HIVEP3: variants seen among roughly 807,000 people sequenced by gnomAD.
HIVEP3 encodes HIVEP zinc finger 3.
HIVEP3 carries 49 observed loss-of-function variants against 152.8 expected under a neutral mutation model. The ratio of observed to expected loss-of-function variants is 0.32; its 90% CI spans 0.26 to 0.41. HIVEP3 has a LOEUF of 0.41. Ranked by LOEUF, HIVEP3 falls within the 10% of genes least tolerant of loss-of-function variation. The pLI is 1.00. For missense variants in HIVEP3, 2,790 were observed against 3,103.3 expected (o/e 0.90, Z 2.40); for synonymous variants, 1,269 against 1,289.0 (o/e 0.98, Z 0.33).
At chr1:41,733,410 C>T (rs2124190541) in intron 1 of HIVEP3, among the ~76,000 whole-genome samples, 1 of 152,338 alleles carries the variant, frequency 6.6e-6, no homozygotes, top group Non-Finnish European at 1.5e-5. Context: ...ACCTTGAACC[C>T]TCCCCCAGTC....
chr1:41,576,482 G>T (rs945006807), intron 4 of HIVEP3, among the ~76,000 whole-genome samples: 1 of 152,166 alleles, frequency 6.6e-6, no homozygotes, highest in Admixed American at 6.5e-5. Flanking sequence ...TGTTGTCAGG[G>T]GTGGGTGCAC....
chr1:41,608,456 C>A (rs888332770), intron 3 of HIVEP3, among the ~76,000 whole-genome samples: 22 of 152,192 alleles, frequency 1.4e-4, no homozygotes, highest in Non-Finnish European at 2.6e-4. Flanking sequence ...GGGAATTTGG[C>A]GGCCACTGGC....
At chr1:41,720,560 C>T (rs1158739107) in intron 1 of HIVEP3, among the ~76,000 whole-genome samples, 2 of 151,718 alleles carry the variant, frequency 1.3e-5, no homozygotes, top group African/African-American at 4.9e-5. Context: ...TCAAGAGGCT[C>T]CTAAGACAAG....
At chr1:41,606,520 G>C (rs1258553333) in intron 3 of HIVEP3, among the ~76,000 whole-genome samples, 1 of 151,906 alleles carries the variant, frequency 6.6e-6, no homozygotes, top group Non-Finnish European at 1.5e-5. Flanking sequence ...AGTATGAATG[G>C]ACCCATGAGA....
chr1:41,778,431 G>A (rs1446781221), intron 1 of HIVEP3, among the ~76,000 whole-genome samples: 2 of 152,178 alleles, frequency 1.3e-5, no homozygotes, highest in Non-Finnish European at 2.9e-5. Context: ...GCTACCACGG[G>A]TCCCTGATAA....
chr1:41,632,499 G>A (rs1377450368), intron 2 of HIVEP3, among the ~76,000 whole-genome samples: 1 of 152,202 alleles, frequency 6.6e-6, no homozygotes, highest in Non-Finnish European at 1.5e-5. Flanking sequence ...CTCCCAAAGT[G>A]CTGGGATTAC....
At chr1:41,840,933 C>T (rs1336313843) in intron 1 of HIVEP3, among the ~76,000 whole-genome samples, 1 of 152,214 alleles carries the variant, frequency 6.6e-6, no homozygotes, top group Non-Finnish European at 1.5e-5. Flanking sequence ...AGCCCCAGGC[C>T]ATCCAGTCAG....
intron 1 of HIVEP3, chr1:41,848,008 G>C (rs912539804): frequency 6.6e-5 from 10 of 152,270 alleles, no homozygotes; most frequent in Non-Finnish European, 1.5e-4. Context: ...GGAATGTCTA[G>C]TGGTGCTTCT....
chr1:41,910,232 C>T (rs1644774828), intron 1 of HIVEP3, among the ~76,000 whole-genome samples: 1 of 151,782 alleles, frequency 6.6e-6, no homozygotes, highest in South Asian at 2.1e-4. Flanking sequence ...GAAAAGTGGA[C>T]ATAACCACAG....
At chr1:41,750,289 ACTT>A (rs1382588947) in intron 1 of HIVEP3, among the ~76,000 whole-genome samples, 1 of 152,220 alleles carries the variant, frequency 6.6e-6, no homozygotes, top group African/African-American at 2.4e-5. Context: ...TTCTGTCACA[ACTT>A]CTAACATGAG....
chr1:41,804,133 A>C (rs1309449015), intron 1 of HIVEP3, among the ~76,000 whole-genome samples: 1 of 152,238 alleles, frequency 6.6e-6, no homozygotes, highest in Non-Finnish European at 1.5e-5. Flanking sequence ...TACATAAATA[A>C]CTGAGCAAAC....
intron 2 of HIVEP3, among the ~76,000 whole-genome samples, chr1:41,679,697 G>A (rs1323488184): frequency 6.6e-6 from 1 of 152,218 alleles, no homozygotes; most frequent in Non-Finnish European, 1.5e-5. Flanking sequence ...TCTCAGCTCA[G>A]TGCCTGAAGG....
At chr1:41,992,134 G>T (rs1347121875) in intron 1 of HIVEP3, among the ~76,000 whole-genome samples, 48 of 141,712 alleles carry the variant, frequency 3.4e-4, no homozygotes, top group Non-Finnish European at 6.0e-4. Context: ...ACATAGTGTT[G>T]GAAGTTCTGG....
intron 1 of HIVEP3, among the ~76,000 whole-genome samples, chr1:41,775,629 T>A (rs1263638891): frequency 6.6e-6 from 1 of 152,180 alleles, no homozygotes; most frequent in African/African-American, 2.4e-5. Context: ...TAGCTGGGAC[T>A]ACAGGTGCTC....
chr1:41,524,917 G>A lies in HIVEP3; in HGVS notation c.5208-7C>T. 6.2e-7 allele frequency: 1 copy of A among 1,609,648 alleles called. No homozygotes were observed. The highest frequency in any genetic ancestry group is 8.5e-7 in the Non-Finnish European group (1 of 1,176,884). On this transcript the variant is annotated splice_region_variant and splice_polypyrimidine_tract_variant and intron_variant, in intron 5 of 8. Coordinates refer to ENST00000372583, the MANE Select transcript of HIVEP3 (RefSeq NM_024503.5). ...CTCTTCGTTTGATTTGTACCTATGA[G>A]CAACAGGCGTCATAGTAAAGGGAAA...
intron 1 of HIVEP3, among the ~76,000 whole-genome samples, chr1:41,977,155 C>A (rs1645264309): frequency 6.6e-6 from 1 of 152,064 alleles, no homozygotes; most frequent in African/African-American, 2.4e-5. Flanking sequence ...TGTGTTATAA[C>A]AGCGTGAGTG....
intron 1 of HIVEP3, among the ~76,000 whole-genome samples, chr1:41,896,630 A>T (rs1365991000): frequency 6.7e-6 from 1 of 149,634 alleles, no homozygotes; most frequent in Non-Finnish European, 1.5e-5. Flanking sequence ...GCTAGAGTGC[A>T]ATGGTGCGAT....
intron 2 of HIVEP3, among the ~76,000 whole-genome samples, chr1:41,690,192 G>A (rs1367561302): frequency 1.3e-5 from 2 of 152,220 alleles, no homozygotes; most frequent in Non-Finnish European, 2.9e-5. Flanking sequence ...TAACCATAAA[G>A]TTCCAAAACA....
At chr1:41,794,952 G>A (rs901927021) in intron 1 of HIVEP3, among the ~76,000 whole-genome samples, 1 of 152,174 alleles carries the variant, frequency 6.6e-6, no homozygotes, top group East Asian at 1.9e-4. Flanking sequence ...TTTAGAGACA[G>A]GGTCTTGCTC....
Sources: allele counts gnomAD v4.1 joint callset (sites outside exome capture counted in the v4.1 genomes callset), GRCh38; gene constraint gnomAD v4.1.1; transcripts MANE v1.5; gene names NCBI Gene and HGNC (gene_info 2026-07-23, HGNC 2026-07-21).